The following TNIP1 variants were observed in gnomAD, a reference collection of about 807,000 sequenced individuals.
TNIP1 encodes TNFAIP3 interacting protein 1.
In TNIP1, 22 loss-of-function variants were observed where a neutral mutation model predicts 86.6. The ratio of observed to expected loss-of-function variants is 0.25; its 90% CI spans 0.18 to 0.36. TNIP1 has a LOEUF of 0.36. TNIP1 is among the 10% of genes least tolerant of loss of function. The pLI, the probability that TNIP1 is intolerant of heterozygous loss-of-function variation, is 1.00. For synonymous variants in TNIP1, 294 were observed against 313.0 expected, an observed-to-expected ratio of 0.94 and a Z score of 0.64; for missense variants, 709 against 820.6, an observed-to-expected ratio of 0.86 and a Z score of 1.66.
rs541203079 is a variant in TNIP1 at position 151,041,598 on chromosome 5, C to T, written c.1134+942G>A. On this transcript the variant is annotated intron_variant, in intron 11 of 17. Transcript: ENST00000521591. ...CTGAGGTTGGTCTCAAACTCCTGGC[C>T]TCAAGCAATCCTCCCACCTCGGCAT... is the stretch of plus-strand genomic sequence containing the variant. 5.8e-4 allele frequency among the ~76,000 whole-genome samples: 88 copies of T among 152,310 alleles called. 1 individual carries two copies. Among genetic ancestry groups the T allele is most frequent in the Middle Eastern group, 3.4e-3 (1 of 294 alleles).
rs1258839341 is a variant in TNIP1 at position 151,080,954 on chromosome 5, CCCGGGCAAGGCT to C, written c.-123_-112del. ...CCCGAATCCAGGGACGGGGCAGCGG[CCCGGGCAAGGCT>C]CCGGCCCCCCGTAGCACTCCTAGGG... On this transcript the variant is annotated 5_prime_UTR_variant, in exon 1 of 18. Transcript: ENST00000521591. The C allele has an allele frequency of 6.6e-6, 1 of 152,184 alleles. No homozygotes were observed. The highest frequency in any genetic ancestry group is 1.5e-5 in the Non-Finnish European group (1 of 68,028). 9.4% of individuals were successfully genotyped at this position (152,184 alleles called of 1,614,324 possible). A position where few individuals can be genotyped will look rare whatever the true frequency, so the allele number is the denominator to read the frequency against.
chr5:151,042,430 G>C, intron 11 of TNIP1, 110 bp downstream of exon 11: 2 of 1,464,180 alleles, frequency 1.4e-6, no homozygotes, highest in Non-Finnish European at 1.8e-6. Flanking sequence ...TAGCTCTTTC[G>C]CACTAGACCC....
intron 3 of TNIP1, 123 bp downstream of exon 3, chr5:151,063,490 T>G (rs1581869114): frequency 2.1e-6 from 3 of 1,399,362 alleles, no homozygotes; most frequent in Non-Finnish European, 9.7e-7. Context: ...AATGGAAGGG[T>G]AGCCTGTGAC....
intron 8 of TNIP1, chr5:151,046,327 C>G (rs1561831617): frequency 4.8e-6 from 1 of 206,704 alleles, no homozygotes; most frequent in African/African-American, 2.3e-5. Context: ...TAGATACAGA[C>G]AGATATAGAT....
Position 151,032,326 on chromosome 5 carries a change from G to C in TNIP1, c.1837C>G (p.Gln613Glu). 3 of 1,614,038 alleles carry C rather than the reference G, an allele frequency of 1.9e-6. No homozygotes were observed. The highest frequency in any genetic ancestry group is 2.5e-6 in the Non-Finnish European group (3 of 1,179,970). The change falls in exon 17 of 18, where the codon CAA (glutamine) becomes GAA (glutamate). Residue 613 changes from glutamine to glutamate, a missense_variant. Gln to Glu is a conservative substitution (Grantham distance 29). Transcript: ENST00000521591. ...CTGGCTGTGGGAGGGTCCATCACTT[G>C]GGAGCTCTGATTTGGATTTCGAACC... ...GGVRNPNQSS[Q>E]VMDPPTARPT...
At chr5:151,070,155 TAGAAG>T (rs1762677697) in intron 1 of TNIP1, among the ~76,000 whole-genome samples, 1 of 152,276 alleles carries the variant, frequency 6.6e-6, no homozygotes, top group East Asian at 1.9e-4. Flanking sequence ...ACCTACCTGA[TAGAAG>T]ATCAAAGAAA....
chr5:151,059,409 C>T (rs763231402), intron 5 of TNIP1, among the ~76,000 whole-genome samples: 1 of 152,188 alleles, frequency 6.6e-6, no homozygotes, highest in Admixed American at 6.5e-5. Context: ...GTTAGCCAGA[C>T]AGCCACCTGA....
intron 8 of TNIP1, chr5:151,046,217 G>T: frequency 2.1e-6 from 1 of 486,554 alleles, no homozygotes; most frequent in East Asian, 3.8e-5. Flanking sequence ...CATTCTCCCT[G>T]TTTAGGTACA....
At chr5:151,066,033 G>C (rs1298689698) in intron 1 of TNIP1, among the ~76,000 whole-genome samples, 1 of 152,170 alleles carries the variant, frequency 6.6e-6, no homozygotes, top group African/African-American at 2.4e-5. Flanking sequence ...TACTTATTGA[G>C]CATCGACTCC....
At chr5:151,056,640 G>T in intron 6 of TNIP1, 126 bp downstream of exon 6, 2 of 924,978 alleles carry the variant, frequency 2.2e-6, no homozygotes, top group Non-Finnish European at 2.9e-6. Context: ...AAAGCCCGAA[G>T]TCTGCCCACA....
At chr5:151,074,068 T>C (rs80215991) in intron 1 of TNIP1, among the ~76,000 whole-genome samples, 2,455 of 152,312 alleles carry the variant, frequency 0.016, 77 homozygotes, top group African/African-American at 0.056. Flanking sequence ...CCTGTTCTTA[T>C]ACAATTATAA....
rs1199132243 is a variant in TNIP1 at position 151,040,357 on chromosome 5, G to C, written c.1135-1132C>G. On this transcript the variant is annotated intron_variant, in intron 11 of 17. Coordinates refer to ENST00000521591, the MANE Select transcript of TNIP1 (RefSeq NM_006058.5). Reference sequence around the variant, plus strand: ...TGTGATTAAGAGACCAGTCGCAGGGGTTAGTTTTCACCCAGCCCTGTGTGA... The same window carrying C: ...TGTGATTAAGAGACCAGTCGCAGGGCTTAGTTTTCACCCAGCCCTGTGTGA... Among the ~76,000 whole-genome samples, 5 of 152,264 alleles carry C rather than the reference G, an allele frequency of 3.3e-5. No individual in the cohort carries two copies. The East Asian group carries it at 9.6e-4, about 29-fold the overall frequency.
At chr5:151,046,952 T>C (rs1202688974) in intron 8 of TNIP1, among the ~76,000 whole-genome samples, 1 of 152,212 alleles carries the variant, frequency 6.6e-6, no homozygotes, top group Admixed American at 6.5e-5. Flanking sequence ...AAATCACCAT[T>C]CCATTACTAC....
chr5:151,045,530 T>C (rs1455277938), intron 9 of TNIP1, among the ~76,000 whole-genome samples: 2 of 152,216 alleles, frequency 1.3e-5, no homozygotes, highest in African/African-American at 4.8e-5. Flanking sequence ...TCATCGGTGA[T>C]GCTAAAACTT....
In TNIP1 at chr5:151,065,148, A is replaced by G; in HGVS notation, c.-36-17T>C. The stretch of plus-strand genomic sequence containing the variant: ...CCCGCCTGGCTGTAAGGACAACAGC[A>G]GCATATCAGCAGGCTGGCCAGGCCA... On this transcript the variant is annotated splice_polypyrimidine_tract_variant and intron_variant, in intron 1 of 17. Coordinates refer to ENST00000521591, the MANE Select transcript of TNIP1 (RefSeq NM_006058.5). The G allele has an allele frequency of 6.3e-7, 1 of 1,591,372 alleles. No individual in the cohort carries two copies. The highest frequency in any genetic ancestry group is 8.6e-7 in the Non-Finnish European group (1 of 1,168,702).
chr5:151,073,091 G>A (rs185515163), intron 1 of TNIP1, among the ~76,000 whole-genome samples: 285 of 152,164 alleles, frequency 1.9e-3, no homozygotes, highest in African/African-American at 6.6e-3. Context: ...GTGTGGTGGC[G>A]GGTGCCTGTA....
chr5:151,073,226 G>GAA lies in TNIP1; in HGVS notation c.-37+7652_-37+7653dup, dbSNP rs1279821572. Among the ~76,000 whole-genome samples, 187 of 104,248 alleles carry GAA rather than the reference G, an allele frequency of 1.8e-3. 1 individual carries two copies. Among genetic ancestry groups the GAA allele is most frequent in the Non-Finnish European group, 1.7e-3 (94 of 55,430 alleles). The allele number at this position is 104,248 out of a possible 152,430, so 68.4% of individuals were successfully genotyped here. On this transcript the variant is annotated intron_variant, in intron 1 of 17. Coordinates refer to ENST00000521591, the MANE Select transcript of TNIP1 (RefSeq NM_006058.5). Reference sequence around the variant, plus strand: ...GACAGAGTGGGACTCCATCTCAAAAGAAAAAAAAAAAAAAAAAGGGGTGTT... The same window carrying GAA: ...GACAGAGTGGGACTCCATCTCAAAAGAAAAAAAAAAAAAAAAAAAGGGGTGTT...
At chr5:151,036,194 G>C (rs1338927051) in intron 13 of TNIP1, among the ~76,000 whole-genome samples, 3 of 152,190 alleles carry the variant, frequency 2.0e-5, no homozygotes, top group Non-Finnish European at 4.4e-5. Flanking sequence ...TGAGACACTG[G>C]CTAGGTTCAA....
At chr5:151,038,958 CA>C in intron 12 of TNIP1, 138 bp downstream of exon 12, 1 of 1,199,912 alleles carries the variant, frequency 8.3e-7, no homozygotes, top group Non-Finnish European at 1.1e-6. Context: ...AATGGCAGAG[CA>C]GGCGGGAAAC....
Sources: allele counts gnomAD v4.1 joint callset (sites outside exome capture counted in the v4.1 genomes callset), GRCh38; gene constraint gnomAD v4.1.1; transcripts MANE v1.5; gene names NCBI Gene and HGNC (gene_info 2026-07-23, HGNC 2026-07-21).